The following TEK variants were observed in gnomAD, a reference collection of about 807,000 sequenced individuals.
The protein encoded by TEK is angiopoietin-1 receptor.
TEK carries 43 observed loss-of-function variants against 131.8 expected under a neutral mutation model. The ratio of observed to expected loss-of-function variants is 0.33; its 90% CI spans 0.26 to 0.42. The LOEUF (loss-of-function observed/expected upper bound fraction) is 0.42, where lower values mean the gene tolerates loss of function less well. Among genes scored for constraint, TEK ranks in the 10% least tolerant of loss-of-function variants. The probability of loss-of-function intolerance (pLI) is 1.00; values close to 1 mark genes in which losing one functional copy is unlikely to be tolerated. For missense variants in TEK, 1,162 were observed against 1,384.4 expected (o/e 0.84, Z 2.55); for synonymous variants, 580 against 491.6 (o/e 1.18, Z -2.38).
At chr9:27,140,766 T>C (rs1250678062) in intron 1 of TEK, among the ~76,000 whole-genome samples, 1 of 152,178 alleles carries the variant, frequency 6.6e-6, no homozygotes, top group Non-Finnish European at 1.5e-5. Context: ...ATTTTTTTGC[T>C]TTTAACAGTT....
intron 2 of TEK, among the ~76,000 whole-genome samples, chr9:27,168,292 G>T (rs1415142742): frequency 3.9e-5 from 6 of 152,144 alleles, no homozygotes. Flanking sequence ...TAAAGGAAGT[G>T]ACCATCCCTT....
Position 27,109,333 on chromosome 9 carries a change from T to A in TEK, c.-258T>A. The A allele has an allele frequency of 1.7e-6, 1 of 596,526 alleles. No homozygotes were observed. The highest frequency in any genetic ancestry group is 2.8e-5 in the East Asian group (1 of 36,082). 37.0% of individuals were successfully genotyped at this position (596,526 alleles called of 1,614,324 possible). Reference sequence around the variant, plus strand: ...GCTTGAGTGCCCCCAGCCCTGCTGATACCAAATGCCTTTAAGATACAGCCT... The same window carrying A: ...GCTTGAGTGCCCCCAGCCCTGCTGAAACCAAATGCCTTTAAGATACAGCCT... On this transcript the variant is annotated 5_prime_UTR_variant, in exon 1 of 23. Coordinates refer to ENST00000380036, the MANE Select transcript of TEK (RefSeq NM_000459.5).
chr9:27,150,076 T>C (rs950096057), intron 1 of TEK, among the ~76,000 whole-genome samples: 13 of 152,144 alleles, frequency 8.5e-5, no homozygotes, highest in African/African-American at 3.1e-4. Context: ...CTCCTCAAAA[T>C]CTTTTTTCTC....
chr9:27,160,679 T>C (rs1237736462), intron 2 of TEK, among the ~76,000 whole-genome samples: 1 of 152,226 alleles, frequency 6.6e-6, no homozygotes, highest in Non-Finnish European at 1.5e-5. Context: ...GGCAGCAAAC[T>C]CATTTTAAGG....
chr9:27,153,381 C>T lies in TEK; in HGVS notation c.53-4450C>T, dbSNP rs531911847. On this transcript the variant is annotated intron_variant, in intron 1 of 22. Coordinates refer to ENST00000380036, the MANE Select transcript of TEK (RefSeq NM_000459.5). ...AGGAGATTCTTTTGAACCCGGGAGGCGGAAGTTGCAGTGAGCCCAGATCGC... is the reference window on the plus strand; with the variant it reads ...AGGAGATTCTTTTGAACCCGGGAGGTGGAAGTTGCAGTGAGCCCAGATCGC... 5.5e-4 allele frequency among the ~76,000 whole-genome samples: 83 copies of T among 152,250 alleles called. 2 individuals carry two copies. The highest frequency in any genetic ancestry group is 1.5e-3 in the African/African-American group (64 of 41,540).
Position 27,192,451 on chromosome 9 carries a change from A to G in TEK, c.1490-38A>G, listed in dbSNP as rs182928144. 22 of 1,613,286 alleles carry G rather than the reference A, an allele frequency of 1.4e-5. No homozygotes were observed. The East Asian group carries it at 4.0e-4, about 29-fold the overall frequency. On this transcript the variant is annotated intron_variant, in intron 10 of 22. Transcript: ENST00000380036. ...ACCCCGGCTTAAGGAATGTAAGAGA[A>G]TGCCAACTTAAGTTTCCTGGACGTT...
At chr9:27,199,008 C>T (rs538991475) in intron 12 of TEK, among the ~76,000 whole-genome samples, 2 of 152,052 alleles carry the variant, frequency 1.3e-5, no homozygotes, top group Non-Finnish European at 2.9e-5. Flanking sequence ...CTATGTTGCC[C>T]AGGCTGGTCT....
intron 13 of TEK, among the ~76,000 whole-genome samples, chr9:27,204,317 C>A (rs1825325133): frequency 1.3e-5 from 2 of 152,138 alleles, no homozygotes; most frequent in Admixed American, 6.5e-5. Flanking sequence ...ATAGATTTGA[C>A]CATAGTCTTT....
At chr9:27,116,383 G>A (rs1441342699) in intron 1 of TEK, among the ~76,000 whole-genome samples, 2 of 152,124 alleles carry the variant, frequency 1.3e-5, no homozygotes, top group African/African-American at 2.4e-5. Flanking sequence ...CCACCTCCCC[G>A]GTTCAAGTGA....
intron 21 of TEK, 44 bp from the exon 22 acceptor site, chr9:27,228,162 A>G: frequency 6.5e-7 from 1 of 1,528,068 alleles, no homozygotes; most frequent in Non-Finnish European, 9.1e-7. Context: ...CCTAGGACTG[A>G]AGCACAGTTA....
intron 12 of TEK, among the ~76,000 whole-genome samples, chr9:27,201,137 C>T (rs1469760477): frequency 6.6e-6 from 1 of 152,138 alleles, no homozygotes; most frequent in Non-Finnish European, 1.5e-5. Context: ...TGTAGAGTCA[C>T]CCAGAGAACC....
At chr9:27,210,007 A>C (rs1825544076) in intron 16 of TEK, among the ~76,000 whole-genome samples, 1 of 152,228 alleles carries the variant, frequency 6.6e-6, no homozygotes, top group Non-Finnish European at 1.5e-5. Context: ...AATTATTTAC[A>C]AACTTGACAG....
chr9:27,229,400 T>G lies in TEK; in HGVS notation c.*168T>G. 5.6e-6 allele frequency: 4 copies of G among 710,536 alleles called. No individual in the cohort carries two copies. Among genetic ancestry groups the G allele is most frequent in the Non-Finnish European group, 1.0e-5 (4 of 391,100 alleles). The allele number at this position is 710,536 out of a possible 1,614,324, so 44.0% of individuals were successfully genotyped here. A position where few individuals can be genotyped will look rare whatever the true frequency, so the allele number is the denominator to read the frequency against. ...ATCCCATGCATGGATCTATGTAGTA[T>G]GCTCTGACTCTAATAGGACTGTATA... On this transcript the variant is annotated 3_prime_UTR_variant, in exon 23 of 23. Transcript: ENST00000380036.
chr9:27,148,043 A>G (rs1305233145), intron 1 of TEK, among the ~76,000 whole-genome samples: 1 of 146,114 alleles, frequency 6.8e-6, no homozygotes, highest in Non-Finnish European at 1.6e-5. Context: ...CTAGATTGCT[A>G]TGAGGATTGA....
chr9:27,183,714 G>T, intron 8 of TEK, 104 bp downstream of exon 8: 7 of 1,468,864 alleles, frequency 4.8e-6, no homozygotes, highest in Non-Finnish European at 6.6e-6. Context: ...ATCCTCCTAG[G>T]CTAGTGTGTT....
At chr9:27,126,398 C>T (rs1410641476) in intron 1 of TEK, among the ~76,000 whole-genome samples, 1 of 152,136 alleles carries the variant, frequency 6.6e-6, no homozygotes, top group Non-Finnish European at 1.5e-5. Context: ...ACAAAAAGGA[C>T]ACTTGTTTAT....
At chr9:27,115,575 CAACTA>C (rs987624724) in intron 1 of TEK, among the ~76,000 whole-genome samples, 32 of 152,238 alleles carry the variant, frequency 2.1e-4, no homozygotes, top group African/African-American at 7.5e-4. Flanking sequence ...CGTGGAATGT[CAACTA>C]AAGAAAATGA....
At chr9:27,164,219 T>A (rs1654085066) in intron 2 of TEK, among the ~76,000 whole-genome samples, 1 of 152,174 alleles carries the variant, frequency 6.6e-6, no homozygotes, top group East Asian at 1.9e-4. Context: ...TTAGGATAAT[T>A]GTAGTACCTA....
At chr9:27,203,467 A>G (rs537780957) in intron 13 of TEK, among the ~76,000 whole-genome samples, 2 of 151,534 alleles carry the variant, frequency 1.3e-5, no homozygotes, top group African/African-American at 4.8e-5. Context: ...TCCAAGAACC[A>G]TGCTCCATTC....
Sources: gnomAD v4.1 joint callset for allele counts (sites outside exome capture counted in the v4.1 genomes callset) on GRCh38, gnomAD v4.1.1 for gene constraint, MANE v1.5 for transcripts, NCBI Gene and HGNC (gene_info 2026-07-23, HGNC 2026-07-21) for gene names.